The following APBB1IP variants were observed in gnomAD, a reference collection of about 807,000 sequenced individuals.
APBB1IP encodes amyloid beta A4 precursor protein-binding family B member 1-interacting protein.
A neutral mutation model predicts 64.9 loss-of-function variants in APBB1IP; 27 were observed. The observed-to-expected ratio is 0.42, with a 90% CI of 0.31 to 0.57. The LOEUF (loss-of-function observed/expected upper bound fraction) is 0.57, where lower values mean the gene tolerates loss of function less well. Among genes scored for constraint, APBB1IP ranks in the 20% least tolerant of loss-of-function variants. The probability of loss-of-function intolerance (pLI) is 0.20; values close to 1 mark genes in which losing one functional copy is unlikely to be tolerated. For synonymous variants in APBB1IP, 392 were observed against 331.0 expected, an observed-to-expected ratio of 1.18 and a Z score of -2.00; for missense variants, 812 against 845.5, an observed-to-expected ratio of 0.96 and a Z score of 0.49.
At chr10:26,456,926 G>A (rs1835533251) in intron 2 of APBB1IP, among the ~76,000 whole-genome samples, 1 of 152,100 alleles carries the variant, frequency 6.6e-6, no homozygotes, top group Admixed American at 6.6e-5. Flanking sequence ...AAGTTCAAGG[G>A]CATTAGAAAG....
At chr10:26,472,439 G>A (rs1835729551) in intron 2 of APBB1IP, among the ~76,000 whole-genome samples, 2 of 152,254 alleles carry the variant, frequency 1.3e-5, no homozygotes, top group South Asian at 4.1e-4. Flanking sequence ...ACCCACTTCT[G>A]AAGGAGTTCA....
At chr10:26,510,734 T>TCTCTCTCTCACACACA (rs375916170) in intron 6 of APBB1IP, among the ~76,000 whole-genome samples, 5 of 135,892 alleles carry the variant, frequency 3.7e-5, no homozygotes, top group African/African-American at 1.1e-4. Flanking sequence ...AGACCCTGTC[T>TCTCTCTCTCACACACA]CACACACACA....
intron 9 of APBB1IP, among the ~76,000 whole-genome samples, chr10:26,534,904 A>T (rs138846092): frequency 6.6e-6 from 1 of 152,348 alleles, no homozygotes; most frequent in East Asian, 1.9e-4. Flanking sequence ...GATTATTAAC[A>T]GGATGACTAA....
intron 9 of APBB1IP, among the ~76,000 whole-genome samples, chr10:26,534,294 C>CAAA (rs71403804): frequency 0.11 from 6,153 of 58,284 alleles, 703 homozygotes; most frequent in East Asian, 0.22. Flanking sequence ...GATCCAGTCT[C>CAAA]AAAAAAAAAA....
intron 2 of APBB1IP, among the ~76,000 whole-genome samples, chr10:26,458,833 A>G (rs1034818070): frequency 6.6e-6 from 1 of 152,056 alleles, no homozygotes; most frequent in Non-Finnish European, 1.5e-5. Flanking sequence ...TGTTTTAATT[A>G]TTGTCTGCTT....
chr10:26,492,041 C>T (rs769536208), intron 2 of APBB1IP, among the ~76,000 whole-genome samples: 24 of 152,036 alleles, frequency 1.6e-4, no homozygotes, highest in Non-Finnish European at 2.1e-4. Flanking sequence ...GGATTACAGG[C>T]GTGATCCAGC....
chr10:26,513,812 A>C, intron 8 of APBB1IP, 152 bp downstream of exon 8: 1 of 918,954 alleles, frequency 1.1e-6, no homozygotes, highest in Non-Finnish European at 1.6e-6. Flanking sequence ...GGCTCACTAC[A>C]ACCTCCGCCT....
intron 2 of APBB1IP, among the ~76,000 whole-genome samples, chr10:26,453,059 C>G (rs991124188): frequency 1.3e-5 from 2 of 152,110 alleles, no homozygotes; most frequent in Non-Finnish European, 2.9e-5. Context: ...TGTGCCAGTA[C>G]TAAGAGAGTT....
At chr10:26,546,473 A>G (rs1836766641) in intron 11 of APBB1IP, among the ~76,000 whole-genome samples, 1 of 152,184 alleles carries the variant, frequency 6.6e-6, no homozygotes, top group South Asian at 2.1e-4. Flanking sequence ...ATGACACACA[A>G]TGTGATGTTT....
At chr10:26,464,714 T>A (rs1052281266) in intron 2 of APBB1IP, among the ~76,000 whole-genome samples, 2 of 152,188 alleles carry the variant, frequency 1.3e-5, no homozygotes, top group Non-Finnish European at 2.9e-5. Flanking sequence ...CAGACCATAA[T>A]AATTTTATGA....
At chr10:26,446,173 T>C (rs1205456102) in intron 2 of APBB1IP, among the ~76,000 whole-genome samples, 1 of 152,188 alleles carries the variant, frequency 6.6e-6, no homozygotes, top group Non-Finnish European at 1.5e-5. Context: ...GGTTACTGAT[T>C]AAGTAAATTT....
intron 8 of APBB1IP, among the ~76,000 whole-genome samples, chr10:26,517,528 C>G (rs1836347370): frequency 6.6e-6 from 1 of 152,210 alleles, no homozygotes; most frequent in Admixed American, 6.5e-5. Context: ...CAACCTCCAC[C>G]TTGCAGGCTG....
At chr10:26,555,684 C>T (rs980375061) in intron 11 of APBB1IP, among the ~76,000 whole-genome samples, 1 of 152,130 alleles carries the variant, frequency 6.6e-6, no homozygotes, top group Non-Finnish European at 1.5e-5. Flanking sequence ...ACCGCAGCCT[C>T]GAACACCTGG....
chr10:26,560,279 A>G (rs1378658628), intron 12 of APBB1IP, 76 bp downstream of exon 12: 3 of 1,346,344 alleles, frequency 2.2e-6, no homozygotes, highest in East Asian at 4.6e-5. Flanking sequence ...CCTTCCTGGT[A>G]CTGTGAAACA....
chr10:26,485,990 G>A (rs1376980651), intron 2 of APBB1IP, among the ~76,000 whole-genome samples: 1 of 152,186 alleles, frequency 6.6e-6, no homozygotes, highest in African/African-American at 2.4e-5. Context: ...AGCATTTTGG[G>A]AGGTGGAGGT....
chr10:26,495,012 T>C (rs1029845956), intron 3 of APBB1IP, among the ~76,000 whole-genome samples: 1 of 146,262 alleles, frequency 6.8e-6, no homozygotes, highest in Admixed American at 6.7e-5. Context: ...TCTTTCTTTT[T>C]CTTTTTTTTT....
intron 2 of APBB1IP, among the ~76,000 whole-genome samples, chr10:26,457,362 A>ACT (rs1285675505): frequency 6.6e-6 from 1 of 151,616 alleles, no homozygotes; most frequent in Non-Finnish European, 1.5e-5. Context: ...CTGGTCTTGA[A>ACT]CTCTTGGCCT....
intron 8 of APBB1IP, among the ~76,000 whole-genome samples, chr10:26,519,138 G>T (rs1181930478): frequency 1.3e-5 from 2 of 151,398 alleles, no homozygotes; most frequent in Non-Finnish European, 2.9e-5. Flanking sequence ...AGCCAGACAT[G>T]GTGGGGGTGG....
intron 2 of APBB1IP, among the ~76,000 whole-genome samples, chr10:26,488,622 GCT>G (rs1482235865): frequency 6.6e-6 from 1 of 152,216 alleles, no homozygotes; most frequent in East Asian, 1.9e-4. Context: ...GACTCCTCAT[GCT>G]GACTTCCCTC....
Sources: allele counts gnomAD v4.1 joint callset (sites outside exome capture counted in the v4.1 genomes callset), GRCh38; gene constraint gnomAD v4.1.1; transcripts MANE v1.5; gene names NCBI Gene and HGNC (gene_info 2026-07-23, HGNC 2026-07-21).